The following ACACA variants were observed in gnomAD, a reference collection of about 807,000 sequenced individuals.
ACACA encodes the protein acetyl-CoA carboxylase 1.
In ACACA, 103 loss-of-function variants were observed where a neutral mutation model predicts 296.1. That is an observed-to-expected ratio of 0.35 (90% CI 0.30 to 0.41). The LOEUF (loss-of-function observed/expected upper bound fraction) is 0.41. Among genes scored for constraint, ACACA ranks in the 10% least tolerant of loss-of-function variants. ACACA has a pLI of 1.00. For synonymous variants in ACACA, 953 were observed against 1,038.6 expected, an observed-to-expected ratio of 0.92 and a Z score of 1.58; for missense variants, 1,554 against 2,989.7, an observed-to-expected ratio of 0.52 and a Z score of 11.20.
chr17:37,221,010 C>T lies in ACACA; in HGVS notation c.3683+714G>A, dbSNP rs546335041. Reference sequence around the variant, plus strand: ...AATGAAAGTACAGGAGGGGATGAACCTATGTGTGGGTGGAATTCCTAGATT... The same window carrying T: ...AATGAAAGTACAGGAGGGGATGAACTTATGTGTGGGTGGAATTCCTAGATT... On this transcript the variant is annotated intron_variant, in intron 29 of 55. Transcript: ENST00000616317. Among the ~76,000 whole-genome samples, 32 of 152,170 alleles carry T rather than the reference C, an allele frequency of 2.1e-4. 1 individual carries two copies. The Middle Eastern group carries it at 0.02, about 97-fold the overall frequency.
chr17:37,150,447 C>T (rs897284215), intron 44 of ACACA, among the ~76,000 whole-genome samples: 2 of 151,884 alleles, frequency 1.3e-5, no homozygotes, highest in African/African-American at 4.8e-5. Context: ...GAGGCCAAGG[C>T]AGGAAAACCA....
At chr17:37,267,187 A>G (rs1432099285) in intron 10 of ACACA, among the ~76,000 whole-genome samples, 3 of 152,056 alleles carry the variant, frequency 2.0e-5, no homozygotes, top group Admixed American at 1.3e-4. Context: ...GTGGATCAGC[A>G]TTTTGAACTG....
chr17:37,327,158 C>G (rs1293297331), intron 3 of ACACA, among the ~76,000 whole-genome samples: 2 of 152,148 alleles, frequency 1.3e-5, no homozygotes, highest in Non-Finnish European at 2.9e-5. Context: ...CTCTATTTAA[C>G]TTTGAGTTCC....
At chr17:37,179,847 T>C (rs1230517188) in intron 40 of ACACA, among the ~76,000 whole-genome samples, 1 of 152,354 alleles carries the variant, frequency 6.6e-6, no homozygotes, top group South Asian at 2.1e-4. Context: ...AAGCTTCTAC[T>C]AGAAATTCCA....
At chr17:37,246,599 A>AT (rs1431828599) in intron 19 of ACACA, among the ~76,000 whole-genome samples, 10 of 151,738 alleles carry the variant, frequency 6.6e-5, no homozygotes, top group Admixed American at 1.3e-4. Flanking sequence ...TACGCCGCTA[A>AT]TTTTTTAATT....
At position 37,161,798 on chromosome 17, in the gene ACACA, G is replaced by T; in HGVS notation, c.5332C>A (p.Pro1778Thr). 1 of 1,612,160 alleles carries T rather than the reference G, an allele frequency of 6.2e-7. No homozygotes were observed. The highest frequency in any genetic ancestry group is 8.5e-7 in the Non-Finnish European group (1 of 1,179,978). The change falls in exon 42 of 56, where the codon CCT (proline) becomes ACT (threonine). Residue 1778 changes from proline (P) to threonine (T), a missense_variant. Transcript: ENST00000616317. ...GTGTGTACCTTGTAAGGATCCTCAGGATCTACCCAGGCCACATGAAACATA... is the reference window on the plus strand; with the variant it reads ...GTGTGTACCTTGTAAGGATCCTCAGTATCTACCCAGGCCACATGAAACATA... ...RHMFHVAWVD[P>T]EDPYKGYRYL...
chr17:37,134,320 C>A lies in ACACA; in HGVS notation c.5680-4102G>T, dbSNP rs570883034. On this transcript the variant is annotated intron_variant, in intron 45 of 55. Transcript: ENST00000616317. The stretch of plus-strand genomic sequence containing the variant: ...ATCAAGATAAACACGTACTTCCTTT[C>A]CCCCATGCTCCAGACGTTTGACTGA... Among the ~76,000 whole-genome samples, 251 of 152,270 alleles carry A rather than the reference C, an allele frequency of 1.6e-3. 4 individuals carry two copies. Among genetic ancestry groups the A allele is most frequent in the Non-Finnish European group, 7.1e-4 (48 of 68,008 alleles).
At chr17:37,363,240 T>C (rs7502448) in intron 1 of ACACA, among the ~76,000 whole-genome samples, 1 of 135,892 alleles carries the variant, frequency 7.4e-6, no homozygotes, top group Non-Finnish European at 1.5e-5. Context: ...TGGAGTGCAG[T>C]GGCACGATCT....
chr17:37,244,440 C>T (rs897547681), intron 21 of ACACA, 148 bp downstream of exon 21: 6 of 888,310 alleles, frequency 6.8e-6, no homozygotes, highest in African/African-American at 1.7e-5. Flanking sequence ...GATTTAAAGA[C>T]CTCAAGTCCC....
Position 37,192,272 on chromosome 17 carries a change from G to C in ACACA, c.4234C>G (p.Pro1412Ala). The C allele has an allele frequency of 6.2e-7, 1 of 1,613,980 alleles. No individual in the cohort carries two copies. The highest frequency in any genetic ancestry group is 8.5e-7 in the Non-Finnish European group (1 of 1,179,996). Residue 1412 changes from proline to alanine, a missense_variant, in exon 37 of 56, where the codon CCT (proline) becomes GCT (alanine). Coordinates refer to ENST00000616317, the MANE Select transcript of ACACA (RefSeq NM_198834.3). Reference protein sequence around the residue: ...EEDRIYRHLEPALAFQLELNR... With the variant: ...EEDRIYRHLEAALAFQLELNR... ...AGCTCTAACTGGAAAGCCAGAGCAG[G>C]CTCCAGATGACGATAGATACGATCC...
At chr17:37,174,343 G>T (rs891897034) in intron 41 of ACACA, among the ~76,000 whole-genome samples, 1 of 151,732 alleles carries the variant, frequency 6.6e-6, no homozygotes, top group East Asian at 1.9e-4. Flanking sequence ...GAAAAAAGAA[G>T]GACACCAGTG....
At chr17:37,087,515 A>G (rs1375130353) in intron 55 of ACACA, 76 bp from the exon 56 acceptor site, 6 of 1,564,418 alleles carry the variant, frequency 3.8e-6, no homozygotes, top group Middle Eastern at 3.4e-4. Context: ...AGAACTGCCC[A>G]ATAAACATGT....
At position 37,144,494 on chromosome 17, in the gene ACACA, G is replaced by A. The variant is rs577361222; in HGVS notation, c.5679+5370C>T. On this transcript the variant is annotated intron_variant, in intron 45 of 55. Transcript: ENST00000616317. ...TGCTGTGTTTCACAGAGTCATGGGT[G>A]GGTGAGCATGGAGACTACACAGTGC... 45 of 249,704 alleles carry A rather than the reference G, an allele frequency of 1.8e-4. No homozygotes were observed. In the East Asian group the frequency reaches 4.6e-3, roughly 26 times the overall value. The allele number at this position is 249,704 out of a possible 1,614,324, so 15.5% of individuals were successfully genotyped here. A position where few individuals can be genotyped will look rare whatever the true frequency, so the allele number is the denominator to read the frequency against.
chr17:37,107,168 T>G (rs2073737495), intron 52 of ACACA, among the ~76,000 whole-genome samples: 1 of 152,090 alleles, frequency 6.6e-6, no homozygotes, highest in Admixed American at 6.5e-5. Flanking sequence ...AGGTGAGAGG[T>G]GAAAGACCAC....
At chr17:37,266,484 T>A (rs2081783299) in intron 10 of ACACA, among the ~76,000 whole-genome samples, 1 of 150,276 alleles carries the variant, frequency 6.7e-6, no homozygotes, top group Non-Finnish European at 1.5e-5. Flanking sequence ...AAAAAAAAGA[T>A]ACTTAGAAGC....
intron 3 of ACACA, among the ~76,000 whole-genome samples, chr17:37,300,273 C>T (rs1241715929): frequency 6.6e-6 from 1 of 152,136 alleles, no homozygotes; most frequent in Non-Finnish European, 1.5e-5. Context: ...GCAAATTTGC[C>T]ACAGACAGAT....
intron 54 of ACACA, among the ~76,000 whole-genome samples, chr17:37,094,584 C>G (rs973605334): frequency 2.2e-5 from 3 of 138,320 alleles, no homozygotes; most frequent in Admixed American, 7.0e-5. Context: ...CCCCCCCCCC[C>G]CACACCAAAC....
chr17:37,207,838 G>C (rs900285623), intron 30 of ACACA, 38 bp from the exon 31 acceptor site: 1 of 1,609,642 alleles, frequency 6.2e-7, no homozygotes, highest in African/African-American at 1.3e-5. Flanking sequence ...AGACAAGGAG[G>C]GTAGGAGCAA....
chr17:37,299,249 T>C (rs2083500603), intron 3 of ACACA: 1 of 1,604,004 alleles, frequency 6.2e-7, no homozygotes, highest in African/African-American at 1.3e-5. Flanking sequence ...AAGATATATA[T>C]ATTACCCAAA....
Sources: allele counts gnomAD v4.1 joint callset (sites outside exome capture counted in the v4.1 genomes callset), GRCh38; gene constraint gnomAD v4.1.1; transcripts MANE v1.5; gene names NCBI Gene and HGNC (gene_info 2026-07-23, HGNC 2026-07-21).